Variants in SMG7 observed in about 807,000 individuals in gnomAD.
SMG7 encodes the protein SMG7 nonsense mediated mRNA decay factor.
SMG7 carries 34 observed loss-of-function variants against 148.2 expected under a neutral mutation model. The ratio of observed to expected loss-of-function variants is 0.23; its 90% confidence interval spans 0.17 to 0.31. The LOEUF is 0.31. Among genes scored for constraint, SMG7 ranks in the 10% least tolerant of loss-of-function variants. SMG7 has a pLI of 1.00. For missense variants in SMG7, 1,114 were observed against 1,408.4 expected (o/e 0.79, Z 3.35); for synonymous variants, 492 against 515.1 (o/e 0.96, Z 0.61).
chr1:183,515,031 A>T (rs1473664396), intron 2 of SMG7, among the ~76,000 whole-genome samples: 1 of 152,218 alleles, frequency 6.6e-6, no homozygotes, highest in African/African-American at 2.4e-5. Flanking sequence ...AAGTTCACCT[A>T]CTGAGGGAGT....
chr1:183,509,777 C>CTTTT (rs1661729409), intron 1 of SMG7, among the ~76,000 whole-genome samples: 1 of 152,074 alleles, frequency 6.6e-6, no homozygotes, highest in Non-Finnish European at 1.5e-5. Context: ...GTTTTTGTGA[C>CTTTT]ATTTTTATAT....
intron 9 of SMG7, 62 bp downstream of exon 9, chr1:183,533,388 A>G: frequency 2.0e-6 from 3 of 1,505,414 alleles, no homozygotes; most frequent in South Asian, 2.4e-5. Context: ...TAGGCATTTC[A>G]TCGATGTAGC....
At chr1:183,512,000 T>C (rs1344963990) in intron 1 of SMG7, among the ~76,000 whole-genome samples, 6 of 152,120 alleles carry the variant, frequency 3.9e-5, no homozygotes, top group Non-Finnish European at 8.8e-5. Context: ...GGGATGGGAA[T>C]GGGTCCTGAG....
In SMG7 at chr1:183,547,194, C is replaced by T; in HGVS notation, c.2834C>T (p.Pro945Leu). 2.6e-6 allele frequency: 4 copies of T among 1,550,452 alleles called. No individual in the cohort carries two copies. The highest frequency in any genetic ancestry group is 3.5e-6 in the Non-Finnish European group (4 of 1,146,920). ...EEEELIFSNP[P>L]DLYPALLGPL... ...GAAGAGCTGATTTTTTCTAACCCTC[C>T]TGATCTTTACCCGGCTCTGCTGGGG... Residue 945 changes from proline (P) to leucine (L), a missense_variant, in exon 18 of 23, where the codon CCT becomes CTT. Physicochemically the swap from Pro to Leu is moderately conservative, Grantham distance 98. Coordinates refer to ENST00000688051, the MANE Select transcript of SMG7 (RefSeq NM_001375584.1).
chr1:183,533,068 T>TCA lies in SMG7; in HGVS notation c.844-96_844-95insCA, dbSNP rs1667149102. ...TACTCATCTGTAATTCTATTACACA[T>TCA]GGTGGTTCTAAATGCAGACTACCAG... On this transcript the variant is annotated intron_variant, in intron 8 of 22. Coordinates refer to ENST00000688051, the MANE Select transcript of SMG7 (RefSeq NM_001375584.1). 4.1e-6 allele frequency: 4 copies of TCA among 967,282 alleles called. No homozygotes were observed. In the Admixed American group the frequency reaches 6.2e-5, roughly 15 times the overall value. 59.9% of individuals were successfully genotyped at this position (967,282 alleles called of 1,614,324 possible).
intron 1 of SMG7, among the ~76,000 whole-genome samples, chr1:183,490,610 G>C (rs1249813967): frequency 6.6e-6 from 1 of 151,986 alleles, no homozygotes; most frequent in Admixed American, 6.6e-5. Context: ...TATCAATATA[G>C]AATATGCATT....
chr1:183,509,524 G>A (rs114707635), intron 1 of SMG7, among the ~76,000 whole-genome samples: 3,052 of 152,100 alleles, frequency 0.02, 46 homozygotes, highest in Non-Finnish European at 0.029. Context: ...TATAAAACAG[G>A]AATAAGTATA....
At chr1:183,492,715 A>G (rs537426225) in intron 1 of SMG7, among the ~76,000 whole-genome samples, 108 of 150,004 alleles carry the variant, frequency 7.2e-4, no homozygotes, top group African/African-American at 2.6e-3. Flanking sequence ...GCTCTTCACT[A>G]TTTCCTTCCT....
At position 183,528,067 on chromosome 1, in the gene SMG7, T is replaced by C; in HGVS notation, c.556+40T>C. On this transcript the variant is annotated intron_variant, in intron 6 of 22. Coordinates refer to ENST00000688051, the MANE Select transcript of SMG7 (RefSeq NM_001375584.1). ...CAACCTGAGATTGACCGTGACACTT[T>C]GTTCTTTATAACAATGTGGCAGATA... 1.3e-6 allele frequency: 2 copies of C among 1,500,750 alleles called. 1 individual carries two copies. The highest frequency in any genetic ancestry group is 2.3e-5 in the South Asian group (2 of 86,108). 93.0% of individuals were successfully genotyped at this position (1,500,750 alleles called of 1,614,324 possible).
intron 1 of SMG7, among the ~76,000 whole-genome samples, chr1:183,511,864 T>A (rs1372329157): frequency 4.6e-5 from 7 of 151,872 alleles, no homozygotes; most frequent in African/African-American, 1.7e-4. Flanking sequence ...TTTTTTGGAG[T>A]TGATAGATGT....
At chr1:183,546,400 A>G in intron 17 of SMG7, 63 bp downstream of exon 17, 3 of 1,507,428 alleles carry the variant, frequency 2.0e-6, no homozygotes, top group Non-Finnish European at 2.7e-6. Flanking sequence ...TGTCTTTTGA[A>G]TATCTCAAAT....
intron 1 of SMG7, among the ~76,000 whole-genome samples, chr1:183,475,827 A>C (rs1652025820): frequency 6.6e-6 from 1 of 152,196 alleles, no homozygotes; most frequent in African/African-American, 2.4e-5. Context: ...AGACTTCCTT[A>C]GATGTGGAAT....
chr1:183,535,430 G>C (rs1667582936), intron 10 of SMG7, among the ~76,000 whole-genome samples: 1 of 152,072 alleles, frequency 6.6e-6, no homozygotes, highest in South Asian at 2.1e-4. Flanking sequence ...TGCCCTTGTA[G>C]GTGTTTGATT....
In SMG7 at chr1:183,537,194, G is replaced by A. The variant is rs1201610254; in HGVS notation, c.1213G>A (p.Glu405Lys). ...SLLNSFHPHE[E>K]DLSSISATPL... ...TCTGAATAGTTTCCATCCCCATGAA[G>A]AGGACCTCTCAAGTATTAGTGGTAA... Residue 405 changes from glutamate to lysine, a missense_variant, in exon 11 of 23, where the codon GAG becomes AAG. By Grantham distance (56) the Glu-to-Lys change is moderately conservative. Coordinates refer to ENST00000688051, the MANE Select transcript of SMG7 (RefSeq NM_001375584.1). 1.2e-6 allele frequency: 2 copies of A among 1,612,538 alleles called. No individual in the cohort carries two copies. The highest frequency in any genetic ancestry group is 2.2e-5 in the South Asian group (2 of 91,038).
chr1:183,552,152 G>T lies in SMG7; in HGVS notation c.*221G>T. 8.3e-7 allele frequency: 1 copy of T among 1,202,828 alleles called. No homozygotes were observed. Among genetic ancestry groups the T allele is most frequent in the Non-Finnish European group, 1.0e-6 (1 of 961,430 alleles). The allele number at this position is 1,202,828 out of a possible 1,614,324, so 74.5% of individuals were successfully genotyped here. On this transcript the variant is annotated 3_prime_UTR_variant, in exon 23 of 23. Coordinates refer to ENST00000688051, the MANE Select transcript of SMG7 (RefSeq NM_001375584.1). ...ACTCTCCGTCCCCCCGGGGCCCTCC[G>T]GAGGGAGAGAGAGAGGAACTGCTGT... is the stretch of plus-strand genomic sequence containing the variant.
At chr1:183,478,738 G>A (rs1052048063) in intron 1 of SMG7, among the ~76,000 whole-genome samples, 3 of 150,674 alleles carry the variant, frequency 2.0e-5, no homozygotes, top group African/African-American at 7.2e-5. Context: ...TCCTGCCTCC[G>A]GCTAGCCTTT....
At chr1:183,473,267 A>G (rs1651214374) in intron 1 of SMG7, among the ~76,000 whole-genome samples, 1 of 151,940 alleles carries the variant, frequency 6.6e-6, no homozygotes, top group Non-Finnish European at 1.5e-5. Context: ...GTGAGGAAAG[A>G]GGGAGGCACT....
chr1:183,523,193 A>G (rs1362253631), intron 4 of SMG7, among the ~76,000 whole-genome samples: 1 of 152,192 alleles, frequency 6.6e-6, no homozygotes, highest in African/African-American at 2.4e-5. Flanking sequence ...TTAAAAGGTA[A>G]TATTCTATAC....
chr1:183,502,984 T>A (rs1427071440), intron 1 of SMG7, among the ~76,000 whole-genome samples: 1 of 152,258 alleles, frequency 6.6e-6, no homozygotes, highest in Non-Finnish European at 1.5e-5. Flanking sequence ...GATAGTTGCC[T>A]CTGCGAGAGT....
Sources: gnomAD v4.1 joint callset for allele counts (sites outside exome capture counted in the v4.1 genomes callset) on GRCh38, gnomAD v4.1.1 for gene constraint, MANE v1.5 for transcripts, NCBI Gene and HGNC (gene_info 2026-07-23, HGNC 2026-07-21) for gene names.